The following COPA variants were observed in gnomAD, a reference collection of about 807,000 sequenced individuals.
COPA encodes coat protein complex I subunit alpha, also known as coatomer subunit alpha.
A neutral mutation model predicts 158.7 loss-of-function variants in COPA; 10 were observed. The observed-to-expected ratio is 0.06, with a 90% CI of 0.04 to 0.11. The LOEUF is 0.11. Ranked by LOEUF, COPA falls within the 10% of genes least tolerant of loss-of-function variation. The pLI is 1.00. For missense variants in COPA, 1,065 were observed against 1,536.7 expected (o/e 0.69, Z 5.13); for synonymous variants, 462 against 542.8 (o/e 0.85, Z 2.07).
intron 27 of COPA, 23 bp downstream of exon 27, chr1:160,293,143 G>C: frequency 1.2e-6 from 2 of 1,613,536 alleles, no homozygotes; most frequent in Non-Finnish European, 1.7e-6. Flanking sequence ...GCACACTCAA[G>C]AGGAAAAGCC....
intron 17 of COPA, among the ~76,000 whole-genome samples, chr1:160,299,510 A>G (rs16831781): frequency 0.014 from 2,122 of 152,354 alleles, 47 homozygotes; most frequent in African/African-American, 0.042. Flanking sequence ...TATAGGAATC[A>G]GACCTAAAAG....
chr1:160,302,898 C>T (rs1313250207), intron 17 of COPA, among the ~76,000 whole-genome samples: 2 of 152,112 alleles, frequency 1.3e-5, no homozygotes, highest in East Asian at 1.9e-4. Context: ...AAGGGCCGGG[C>T]ATGGTGGCTA....
intron 3 of COPA, among the ~76,000 whole-genome samples, chr1:160,338,773 C>T (rs1647900850): frequency 6.6e-6 from 1 of 152,170 alleles, no homozygotes; most frequent in Non-Finnish European, 1.5e-5. Context: ...CTTGGTTCAT[C>T]TCGAACCCCT....
At chr1:160,324,482 G>A (rs2101861745) in intron 7 of COPA, among the ~76,000 whole-genome samples, 1 of 142,412 alleles carries the variant, frequency 7.0e-6, no homozygotes, top group Non-Finnish European at 1.5e-5. Context: ...TTTTTTGGTA[G>A]AGACAAGGTC....
intron 17 of COPA, 123 bp from the exon 18 acceptor site, chr1:160,299,387 T>C (rs1463816924): frequency 3.1e-6 from 3 of 967,326 alleles, no homozygotes; most frequent in African/African-American, 1.6e-5. Flanking sequence ...AGATGGGAAG[T>C]GATTCAAAAA....
At position 160,324,457 on chromosome 1, in the gene COPA, A is replaced by AT. The variant is rs36119799; in HGVS notation, c.607-928dup. Among the ~76,000 whole-genome samples, 572 of 131,900 alleles carry AT rather than the reference A, an allele frequency of 4.3e-3. 7 individuals carry two copies. The highest frequency in any genetic ancestry group is 0.016 in the South Asian group (66 of 4,138). 86.5% of individuals were successfully genotyped at this position (131,900 alleles called of 152,430 possible). On this transcript the variant is annotated intron_variant, in intron 7 of 32. Coordinates refer to ENST00000241704, the MANE Select transcript of COPA (RefSeq NM_004371.4). ...AAGTGAGCACCACCACGCCCAGCTAATTTTTTTTTTTTTTTTTTTTGGTAG... is the reference window on the plus strand; with the variant it reads ...AAGTGAGCACCACCACGCCCAGCTAATTTTTTTTTTTTTTTTTTTTTGGTAG...
At chr1:160,330,389 G>T (rs928701149) in intron 6 of COPA, among the ~76,000 whole-genome samples, 1 of 152,162 alleles carries the variant, frequency 6.6e-6, no homozygotes, top group African/African-American at 2.4e-5. Context: ...AAAAAACCTT[G>T]TCAGTCTGAT....
chr1:160,289,837 C>T lies in COPA; in HGVS notation c.*320G>A. On this transcript the variant is annotated 3_prime_UTR_variant, in exon 33 of 33. Coordinates refer to ENST00000241704, the MANE Select transcript of COPA (RefSeq NM_004371.4). ...AACTCCTGGCCTCAGATGATCTGCC[C>T]ACCGTAGCCTCCCAAAGTGCTGGGA... 4.8e-6 allele frequency: 1 copy of T among 206,310 alleles called. No individual in the cohort carries two copies. Among genetic ancestry groups the T allele is most frequent in the Non-Finnish European group, 9.7e-6 (1 of 103,068 alleles). The allele number at this position is 206,310 out of a possible 1,614,324, so 12.8% of individuals were successfully genotyped here.
intron 17 of COPA, among the ~76,000 whole-genome samples, chr1:160,300,289 G>A (rs916500277): frequency 5.3e-5 from 8 of 151,622 alleles, no homozygotes; most frequent in Non-Finnish European, 7.4e-5. Flanking sequence ...GCCGTGAGCC[G>A]AGGTCGTACC....
chr1:160,338,128 A>C (rs561187385), intron 3 of COPA, among the ~76,000 whole-genome samples: 1 of 152,358 alleles, frequency 6.6e-6, no homozygotes, highest in African/African-American at 2.4e-5. Flanking sequence ...TTTCTTAATT[A>C]ACACCCAGTT....
chr1:160,331,641 T>C (rs1234312462), intron 6 of COPA, among the ~76,000 whole-genome samples: 2 of 123,734 alleles, frequency 1.6e-5, no homozygotes, highest in African/African-American at 3.4e-5. Flanking sequence ...AGAGTGAGAC[T>C]CCATCTCAAA....
At position 160,318,492 on chromosome 1, in the gene COPA, C is replaced by CAA. The variant is rs1184111001; in HGVS notation, c.707-4369_707-4368dup. ...GTAAAAAAAAAAAAAAAAAAAAAAA[C>CAA]AAAAAAAAAAAAAAAACACTAATGT... On this transcript the variant is annotated intron_variant, in intron 8 of 32. Coordinates refer to ENST00000241704, the MANE Select transcript of COPA (RefSeq NM_004371.4). Among the ~76,000 whole-genome samples the CAA allele has an allele frequency of 2.9e-4, 17 of 58,068 alleles. No homozygotes were observed. In the East Asian group the frequency reaches 5.2e-3, roughly 18 times the overall value. 38.1% of individuals were successfully genotyped at this position (58,068 alleles called of 152,430 possible). A position where few individuals can be genotyped will look rare whatever the true frequency, so the allele number is the denominator to read the frequency against.
intron 4 of COPA, among the ~76,000 whole-genome samples, chr1:160,334,226 T>C (rs1647660835): frequency 6.6e-6 from 1 of 152,240 alleles, no homozygotes; most frequent in African/African-American, 2.4e-5. Context: ...CTACACTTGC[T>C]AAGCTTTGTG....
rs573483586 is a variant in COPA at position 160,299,222 on chromosome 1, G to A, written c.1710C>T (p.Val570=). The A allele has an allele frequency of 6.2e-7, 1 of 1,614,084 alleles. No homozygotes were observed. The highest frequency in any genetic ancestry group is 2.2e-5 in the East Asian group (1 of 44,886). ...ATACATTGTTGCCCTTCACCCGTGTGACATAGATGGGTAAATCCAGAGTTC... is the reference window on the plus strand; with the variant it reads ...ATACATTGTTGCCCTTCACCCGTGTAACATAGATGGGTAAATCCAGAGTTC... ...IIRTLDLPIY[V]TRVKGNNVYC... is the part of the protein sequence containing the mutation. The change falls in exon 18 of 33, where the codon GTC becomes GTT. Residue 570 remains valine, a synonymous_variant. Transcript: ENST00000241704.
At chr1:160,327,481 G>T (rs76718780) in intron 6 of COPA, among the ~76,000 whole-genome samples, 18 of 150,386 alleles carry the variant, frequency 1.2e-4, no homozygotes, top group African/African-American at 3.7e-4. Flanking sequence ...GGCTGGGGGG[G>T]GCGCAGCGCG....
Position 160,313,303 on chromosome 1 carries a change from A to ACAG in COPA, c.843-139_843-137dup. 3 of 693,212 alleles carry ACAG rather than the reference A, an allele frequency of 4.3e-6. No individual in the cohort carries two copies. In the East Asian group the frequency reaches 8.2e-5, roughly 19 times the overall value. The allele number at this position is 693,212 out of a possible 1,614,324, so 42.9% of individuals were successfully genotyped here. On this transcript the variant is annotated intron_variant, in intron 9 of 32. Transcript: ENST00000241704. ...GAGAGTAAACTGCATATCCTAAGTA[A>ACAG]CAGTAGTCGTGATAAATTCTACCAA...
At chr1:160,313,561 C>G (rs1468191097) in intron 9 of COPA, among the ~76,000 whole-genome samples, 1 of 152,048 alleles carries the variant, frequency 6.6e-6, no homozygotes, top group African/African-American at 2.4e-5. Context: ...ACTACAGGCG[C>G]CCGCCACCAC....
intron 8 of COPA, among the ~76,000 whole-genome samples, chr1:160,315,997 G>C (rs1659121154): frequency 1.3e-5 from 2 of 152,318 alleles, no homozygotes; most frequent in Admixed American, 1.3e-4. Flanking sequence ...GCTCATTAGA[G>C]ACTCTGAATA....
chr1:160,325,582 T>C lies in COPA; in HGVS notation c.567A>G (p.Leu189=), dbSNP rs1380264793. ...SDVRGITGVD[L]FGTTDAVVKH... ...TCACCACTGCATCTGTAGTTCCAAA[T>C]AGATCAACCCCAGTTATTCCTCTCA... The change falls in exon 7 of 33, where the codon CTA becomes CTG. Residue 189 remains leucine, a synonymous_variant. Transcript: ENST00000241704. 18 of 1,614,098 alleles carry C rather than the reference T, an allele frequency of 1.1e-5. No individual in the cohort carries two copies. Among genetic ancestry groups the C allele is most frequent in the Non-Finnish European group, 1.4e-5 (17 of 1,180,044 alleles).
Sources: allele counts gnomAD v4.1 joint callset (sites outside exome capture counted in the v4.1 genomes callset), GRCh38; gene constraint gnomAD v4.1.1; transcripts MANE v1.5; gene names NCBI Gene and HGNC (gene_info 2026-07-23, HGNC 2026-07-21).